The following KSR1 variants were observed in gnomAD, a reference collection of about 807,000 sequenced individuals.
KSR1 encodes the protein kinase suppressor of ras.
A neutral mutation model predicts 92.9 loss-of-function variants in KSR1; 35 were observed. The ratio of observed to expected loss-of-function variants is 0.38; its 90% confidence interval spans 0.29 to 0.50. KSR1 has a LOEUF of 0.50. Among genes scored for constraint, KSR1 ranks in the 20% least tolerant of loss-of-function variants. The probability of loss-of-function intolerance (pLI) is 0.94; values close to 1 mark genes in which losing one functional copy is unlikely to be tolerated. For synonymous variants in KSR1, 467 were observed against 472.6 expected (o/e 0.99, Z 0.15); for missense variants, 972 against 1,158.5 (o/e 0.84, Z 2.34).
At chr17:27,593,642 G>A (rs1255485789) in intron 9 of KSR1, among the ~76,000 whole-genome samples, 2 of 152,312 alleles carry the variant, frequency 1.3e-5, no homozygotes, top group East Asian at 3.9e-4. Flanking sequence ...GTCTGCCATG[G>A]GCCTGCACCT....
rs116928621 is a variant in KSR1, at chr17:27,596,790, C to T, written c.1300-478C>T. ...CTAGCAGACATGATATAACATTTAT[C>T]AGAGCCTGAACTTAATTCATTATAA... On this transcript the variant is annotated intron_variant, in intron 9 of 20. Transcript: ENST00000644974. 9.8e-3 allele frequency among the ~76,000 whole-genome samples: 1,490 copies of T among 152,340 alleles called. 15 individuals carry two copies. The highest frequency in any genetic ancestry group is 0.014 in the Non-Finnish European group (956 of 68,032).
At chr17:27,610,653 T>C (rs1457698095) in intron 17 of KSR1, among the ~76,000 whole-genome samples, 2 of 152,236 alleles carry the variant, frequency 1.3e-5, no homozygotes, top group African/African-American at 4.8e-5. Flanking sequence ...TAAAGTTTTC[T>C]AATAGCCACA....
chr17:27,623,794 T>C lies in KSR1; in HGVS notation c.*402T>C. The C allele has an allele frequency of 1.8e-6, 1 of 540,888 alleles. No homozygotes were observed. The highest frequency in any genetic ancestry group is 2.7e-5 in the South Asian group (1 of 36,574). The allele number at this position is 540,888 out of a possible 1,614,324, so 33.5% of individuals were successfully genotyped here. ...TGCTGGGCCAGAAGGAAGACAAACA[T>C]GGTAATTGCAGCTGTTCTTGGGGTA... On this transcript the variant is annotated 3_prime_UTR_variant, in exon 21 of 21. Transcript: ENST00000644974.
chr17:27,485,458 C>T (rs1046711938), intron 1 of KSR1, among the ~76,000 whole-genome samples: 2 of 152,200 alleles, frequency 1.3e-5, no homozygotes, highest in African/African-American at 4.8e-5. Context: ...TGGCCCTCTG[C>T]AGACAGAGTA....
At chr17:27,516,127 A>G (rs2069783287) in intron 1 of KSR1, among the ~76,000 whole-genome samples, 1 of 152,188 alleles carries the variant, frequency 6.6e-6, no homozygotes, top group South Asian at 2.1e-4. Flanking sequence ...GGAAGTTGCC[A>G]AAGGAGAAAA....
At chr17:27,460,829 C>T (rs578029335) in intron 1 of KSR1, among the ~76,000 whole-genome samples, 3 of 152,258 alleles carry the variant, frequency 2.0e-5, no homozygotes, top group Admixed American at 2.0e-4. Context: ...TGTTGAGGCA[C>T]GTTCCCTGGA....
chr17:27,533,463 A>C (rs922072020), intron 1 of KSR1, among the ~76,000 whole-genome samples: 2 of 151,678 alleles, frequency 1.3e-5, no homozygotes, highest in Non-Finnish European at 2.9e-5. Context: ...GGCTCACTGC[A>C]ACCTCTGCCT....
At chr17:27,475,969 C>T (rs1484099685) in intron 1 of KSR1, among the ~76,000 whole-genome samples, 1 of 152,200 alleles carries the variant, frequency 6.6e-6, no homozygotes, top group Non-Finnish European at 1.5e-5. Context: ...ATGGGGAAAA[C>T]TAGAGGTGAA....
At chr17:27,509,663 A>AAACC (rs1253515172) in intron 1 of KSR1, among the ~76,000 whole-genome samples, 1 of 2,034 alleles carries the variant, frequency 4.9e-4, no homozygotes, top group East Asian at 0.5. Flanking sequence ...CTCTAGTTTA[A>AAACC]AACAAACAAA....
At chr17:27,621,993 C>G in intron 20 of KSR1, 1 of 1,574,104 alleles carries the variant, frequency 6.4e-7, no homozygotes, top group Middle Eastern at 1.7e-4. Context: ...AACTCAGCAC[C>G]GTGACTTCTG....
At chr17:27,576,990 T>G (rs2072531986) in intron 2 of KSR1, among the ~76,000 whole-genome samples, 1 of 152,128 alleles carries the variant, frequency 6.6e-6, no homozygotes, top group Admixed American at 6.5e-5. Context: ...AGTGAAAAGT[T>G]TTGATAGAAA....
At chr17:27,488,029 C>G (rs2068719078) in intron 1 of KSR1, among the ~76,000 whole-genome samples, 3 of 152,238 alleles carry the variant, frequency 2.0e-5, no homozygotes, top group South Asian at 4.1e-4. Flanking sequence ...AATATTCAAA[C>G]TATATCACAT....
chr17:27,593,360 G>A (rs1487493579), intron 9 of KSR1, among the ~76,000 whole-genome samples: 1 of 152,276 alleles, frequency 6.6e-6, no homozygotes, highest in Non-Finnish European at 1.5e-5. Flanking sequence ...GCTGGGTGCA[G>A]GCTTCTGGCT....
chr17:27,540,974 A>G (rs1211050033), intron 1 of KSR1, among the ~76,000 whole-genome samples: 1 of 152,240 alleles, frequency 6.6e-6, no homozygotes, highest in Non-Finnish European at 1.5e-5. Flanking sequence ...GAAGTGGAAG[A>G]TGTAAGGGGA....
At chr17:27,558,394 T>TA (rs1237427175) in intron 2 of KSR1, among the ~76,000 whole-genome samples, 2 of 152,054 alleles carry the variant, frequency 1.3e-5, no homozygotes, top group African/African-American at 4.8e-5. Context: ...AGTAGAGTAG[T>TA]AAGAGATACA....
intron 2 of KSR1, among the ~76,000 whole-genome samples, chr17:27,573,585 C>A (rs1333713243): frequency 1.3e-5 from 2 of 152,256 alleles, no homozygotes; most frequent in Non-Finnish European, 2.9e-5. Flanking sequence ...CCAGCTGTTT[C>A]TGTACCTCAC....
chr17:27,572,445 G>A (rs1349171591), intron 2 of KSR1, among the ~76,000 whole-genome samples: 1 of 152,216 alleles, frequency 6.6e-6, no homozygotes, highest in Admixed American at 6.5e-5. Flanking sequence ...CAGAAGCTGG[G>A]GTGGGCAGTA....
intron 1 of KSR1, among the ~76,000 whole-genome samples, chr17:27,478,284 T>C (rs2068405023): frequency 6.6e-6 from 1 of 152,182 alleles, no homozygotes. Context: ...GTGTGGCCTC[T>C]GGGGTCAGAC....
At chr17:27,552,169 G>A (rs1398271875) in intron 2 of KSR1, among the ~76,000 whole-genome samples, 1 of 152,120 alleles carries the variant, frequency 6.6e-6, no homozygotes, top group Non-Finnish European at 1.5e-5. Context: ...ATTCTCGCCT[G>A]CGCACCTGAG....
Sources: gnomAD v4.1 joint callset for allele counts (sites outside exome capture counted in the v4.1 genomes callset) on GRCh38, gnomAD v4.1.1 for gene constraint, MANE v1.5 for transcripts, NCBI Gene and HGNC (gene_info 2026-07-23, HGNC 2026-07-21) for gene names.